The following ULK4 variants were observed in gnomAD, a reference collection of about 807,000 sequenced individuals.
The protein encoded by ULK4 is inactive serine/threonine-protein kinase ULK4.
In ULK4, 133 loss-of-function variants were observed where a neutral mutation model predicts 160.6. The observed-to-expected ratio is 0.83, with a 90% confidence interval of 0.72 to 0.96. ULK4 has a LOEUF of 0.96. Among genes scored for constraint, ULK4 ranks in the 40% least tolerant of loss-of-function variants. The probability of loss-of-function intolerance (pLI) is 0.00; values close to 1 mark genes in which losing one functional copy is unlikely to be tolerated. For synonymous variants in ULK4, 534 were observed against 539.8 expected, an observed-to-expected ratio of 0.99 and a Z score of 0.15; for missense variants, 1,580 against 1,499.5, an observed-to-expected ratio of 1.05 and a Z score of -0.89.
intron 5 of ULK4, among the ~76,000 whole-genome samples, chr3:41,926,922 C>T (rs1445052935): frequency 1.3e-5 from 2 of 152,188 alleles, no homozygotes; most frequent in Non-Finnish European, 2.9e-5. Flanking sequence ...GGAAAACACA[C>T]TTCAGGATAT....
chr3:41,276,044 G>A (rs559446296), intron 35 of ULK4, among the ~76,000 whole-genome samples: 1 of 152,322 alleles, frequency 6.6e-6, no homozygotes, highest in African/African-American at 2.4e-5. Context: ...CAGGACTACT[G>A]CTGATACCCA....
intron 35 of ULK4, among the ~76,000 whole-genome samples, chr3:41,267,020 G>C (rs182842169): frequency 2.3e-5 from 3 of 130,952 alleles, no homozygotes; most frequent in African/African-American, 6.2e-5. Context: ...GTCTCTATTG[G>C]GGGGGGGGGG....
chr3:41,616,567 G>A (rs1364831344), intron 30 of ULK4, among the ~76,000 whole-genome samples: 1 of 152,144 alleles, frequency 6.6e-6, no homozygotes, highest in Non-Finnish European at 1.5e-5. Context: ...CCCAAGCCAA[G>A]GAAAGCTGTG....
At chr3:41,696,682 T>C (rs1245001750) in intron 27 of ULK4, among the ~76,000 whole-genome samples, 4 of 152,200 alleles carry the variant, frequency 2.6e-5, no homozygotes, top group Admixed American at 1.3e-4. Flanking sequence ...CCTATAGTCC[T>C]GATCTCCAGA....
In ULK4 at chr3:41,578,192, C is replaced by A. The variant is rs547076149; in HGVS notation, c.3121-12062G>T. 1.1e-4 allele frequency among the ~76,000 whole-genome samples: 17 copies of A among 152,308 alleles called. 1 individual carries two copies. The East Asian group carries it at 2.7e-3, about 24-fold the overall frequency. On this transcript the variant is annotated intron_variant, in intron 31 of 36. Transcript: ENST00000301831. ...GAAATTTTAACCCAAGAGCACCTTT[C>A]TCCAATAGAATATTCTAAGGAAGTA...
At chr3:41,594,895 G>C (rs1319712947) in intron 31 of ULK4, among the ~76,000 whole-genome samples, 2 of 152,054 alleles carry the variant, frequency 1.3e-5, no homozygotes, top group East Asian at 3.9e-4. Context: ...TGGAGAAAAG[G>C]AGACAAATCG....
At chr3:41,509,607 T>A (rs1185764134) in intron 32 of ULK4, among the ~76,000 whole-genome samples, 2 of 152,166 alleles carry the variant, frequency 1.3e-5, no homozygotes, top group East Asian at 3.9e-4. Flanking sequence ...AGAAAAACTA[T>A]TACAGTAACA....
At chr3:41,446,941 G>A (rs189778207) in intron 34 of ULK4, among the ~76,000 whole-genome samples, 207 of 151,186 alleles carry the variant, frequency 1.4e-3, no homozygotes, top group Middle Eastern at 3.4e-3. Context: ...AAAATTAGCC[G>A]GGCATGGTGG....
At chr3:41,911,202 C>A in intron 11 of ULK4, 115 bp downstream of exon 11, 1 of 953,830 alleles carries the variant, frequency 1.0e-6, no homozygotes, top group Admixed American at 2.6e-5. Flanking sequence ...TGGCATTTGG[C>A]ACTAAAATTC....
chr3:41,386,103 C>T (rs1216137689), intron 35 of ULK4, among the ~76,000 whole-genome samples: 1 of 152,170 alleles, frequency 6.6e-6, no homozygotes, highest in East Asian at 1.9e-4. Flanking sequence ...TGTATTATAT[C>T]TTCAGCACTT....
chr3:41,283,965 A>T (rs1575393767), intron 35 of ULK4, among the ~76,000 whole-genome samples: 1 of 150,330 alleles, frequency 6.7e-6, no homozygotes, highest in East Asian at 1.9e-4. Flanking sequence ...ATAGCTGCCA[A>T]AAATAAATAA....
chr3:41,786,867 G>C (rs893406198), intron 21 of ULK4, among the ~76,000 whole-genome samples: 1 of 151,996 alleles, frequency 6.6e-6, no homozygotes, highest in Non-Finnish European at 1.5e-5. Context: ...AGACCAGCTA[G>C]GGGCCTTGAA....
Position 41,826,118 on chromosome 3 carries a change from T to C in ULK4, c.1765-6612A>G, listed in dbSNP as rs532956199. Among the ~76,000 whole-genome samples the C allele has an allele frequency of 1.2e-4, 18 of 152,264 alleles. No individual in the cohort carries two copies. The South Asian group carries it at 2.7e-3, about 23-fold the overall frequency. On this transcript the variant is annotated intron_variant, in intron 18 of 36. Coordinates refer to ENST00000301831, the MANE Select transcript of ULK4 (RefSeq NM_017886.4). ...ACAGACAAACAAATTTTGACAGATT[T>C]TGACACCACCAGGCCTGCCCTACAA...
At chr3:41,700,343 C>G (rs527958631) in intron 27 of ULK4, among the ~76,000 whole-genome samples, 1 of 152,240 alleles carries the variant, frequency 6.6e-6, no homozygotes, top group South Asian at 2.1e-4. Flanking sequence ...TCCTAGCATA[C>G]AGAGTTTTAT....
At chr3:41,648,904 C>T (rs574088978) in intron 30 of ULK4, among the ~76,000 whole-genome samples, 6 of 152,158 alleles carry the variant, frequency 3.9e-5, no homozygotes, top group East Asian at 3.9e-4. Flanking sequence ...GAGGCCAAGG[C>T]GGGCAGATCG....
intron 32 of ULK4, among the ~76,000 whole-genome samples, chr3:41,515,591 A>G (rs2085723504): frequency 6.6e-6 from 1 of 152,236 alleles, no homozygotes; most frequent in South Asian, 2.1e-4. Context: ...CAATCATGAC[A>G]GAATGGGAAA....
At chr3:41,515,503 G>A (rs1397267325) in intron 32 of ULK4, among the ~76,000 whole-genome samples, 1 of 152,064 alleles carries the variant, frequency 6.6e-6, no homozygotes, top group Non-Finnish European at 1.5e-5. Context: ...CCCAAAACTG[G>A]GTAATTTATA....
At chr3:41,442,787 C>T (rs1264070336) in intron 34 of ULK4, among the ~76,000 whole-genome samples, 1 of 151,944 alleles carries the variant, frequency 6.6e-6, no homozygotes, top group East Asian at 1.9e-4. Context: ...TGTGTACTTA[C>T]GTGTTGAGGA....
intron 22 of ULK4, among the ~76,000 whole-genome samples, chr3:41,718,875 T>C (rs942094688): frequency 2.0e-5 from 3 of 152,226 alleles, no homozygotes; most frequent in African/African-American, 7.2e-5. Flanking sequence ...TGTATTACTA[T>C]TTGCACCCCA....
Sources: gnomAD v4.1 joint callset for allele counts (sites outside exome capture counted in the v4.1 genomes callset) on GRCh38, gnomAD v4.1.1 for gene constraint, MANE v1.5 for transcripts, NCBI Gene and HGNC (gene_info 2026-07-23, HGNC 2026-07-21) for gene names.